Variants in ATP8B1 observed in about 807,000 individuals in gnomAD.
ATP8B1 encodes the protein ATPase phospholipid transporting 8B1.
A neutral mutation model predicts 149.9 loss-of-function variants in ATP8B1; 80 were observed. The observed-to-expected ratio is 0.53, with a 90% CI of 0.45 to 0.64. The LOEUF is 0.64. Ranked by LOEUF, ATP8B1 falls within the 30% of genes least tolerant of loss-of-function variation. The pLI, the probability that ATP8B1 is intolerant of heterozygous loss-of-function variation, is 0.00. For synonymous variants in ATP8B1, 536 were observed against 562.8 expected, an observed-to-expected ratio of 0.95 and a Z score of 0.67; for missense variants, 1,247 against 1,552.6, an observed-to-expected ratio of 0.80 and a Z score of 3.31.
chr18:57,774,624 T>C (rs1282715612), intron 1 of ATP8B1, among the ~76,000 whole-genome samples: 1 of 151,956 alleles, frequency 6.6e-6, no homozygotes, highest in Non-Finnish European at 1.5e-5. Context: ...TATTTATTAA[T>C]AATCTCTTCT....
intron 1 of ATP8B1, among the ~76,000 whole-genome samples, chr18:57,734,327 T>G (rs2123161052): frequency 6.6e-6 from 1 of 152,238 alleles, no homozygotes; most frequent in African/African-American, 2.4e-5. Flanking sequence ...GTAGCTGGGA[T>G]TACAGGCATG....
chr18:57,772,322 G>T (rs551801129), intron 1 of ATP8B1, among the ~76,000 whole-genome samples: 2 of 152,314 alleles, frequency 1.3e-5, no homozygotes, highest in South Asian at 4.1e-4. Flanking sequence ...GGGATGCTGA[G>T]TTGGCCTTGA....
intron 19 of ATP8B1, chr18:57,667,457 A>G: frequency 2.5e-6 from 1 of 395,028 alleles, no homozygotes; most frequent in Non-Finnish European, 4.7e-6. Context: ...TTACTGTTGA[A>G]CTGAATAATT....
At chr18:57,653,301 T>TTTTTTTTTTC (rs1374022168) in intron 24 of ATP8B1, among the ~76,000 whole-genome samples, 1 of 143,714 alleles carries the variant, frequency 7.0e-6, no homozygotes, top group Non-Finnish European at 1.5e-5. Context: ...TTTTTTTTTT[T>TTTTTTTTTTC]GGAGACAGGG....
intron 2 of ATP8B1, among the ~76,000 whole-genome samples, chr18:57,728,705 A>T (rs2079731526): frequency 6.7e-6 from 1 of 148,994 alleles, no homozygotes; most frequent in Non-Finnish European, 1.5e-5. Context: ...AACATGACTA[A>T]GATTCAAGAC....
Position 57,684,191 on chromosome 18 carries a change from T to C in ATP8B1, c.1475A>G (p.Gln492Arg). Residue 492 changes from glutamine to arginine, a missense_variant and splice_region_variant, in exon 15 of 28, where the codon CAA becomes CGA. Around this residue, in one of 3 missense-constraint regions of ATP8B1, gnomAD observed 853 missense variants for 1,035.7 expected, o/e 0.82. Transcript: ENST00000648908. The part of the protein sequence containing the change: ...ASQHNHNKIE[Q>R]VDFSWNTYAD... ...ATATGTATTCCAGCTAAAATCAACT[T>C]GCTGAAAGAAATGGAGAAAAACAAA... 6.2e-7 allele frequency: 1 copy of C among 1,613,660 alleles called. No homozygotes were observed. The highest frequency in any genetic ancestry group is 8.5e-7 in the Non-Finnish European group (1 of 1,179,678).
chr18:57,672,930 AT>A (rs1348169691), intron 16 of ATP8B1, among the ~76,000 whole-genome samples: 4,606 of 30,606 alleles, frequency 0.15, 601 homozygotes, highest in Non-Finnish European at 0.17. Flanking sequence ...ATATATATAT[AT>A]AACATGTATA....
chr18:57,664,501 G>GAAAAA (rs532262308), intron 20 of ATP8B1, among the ~76,000 whole-genome samples: 6 of 99,438 alleles, frequency 6.0e-5, no homozygotes, highest in African/African-American at 1.7e-4. Flanking sequence ...GTCTTTCTAA[G>GAAAAA]AAAAAAAAAA....
chr18:57,689,576 A>G (rs187173153), intron 12 of ATP8B1, among the ~76,000 whole-genome samples: 2 of 152,316 alleles, frequency 1.3e-5, no homozygotes, highest in East Asian at 1.9e-4. Flanking sequence ...CTAAGTGCCT[A>G]CTATGTACCA....
chr18:57,668,130 G>A, intron 19 of ATP8B1: 1 of 1,356,382 alleles, frequency 7.4e-7, no homozygotes, highest in Non-Finnish European at 9.7e-7. Flanking sequence ...GGGACAAGAG[G>A]GATGGCCCTT....
rs144609772 is a variant in ATP8B1 at position 57,767,510 on chromosome 18, A to G, written c.-26+35488T>C. ...CTAGAAACAGGAACGCTTTTGGGCCAGGCTCGGTGGCTCATGCCTGTAATG... is the reference window on the plus strand; with the variant it reads ...CTAGAAACAGGAACGCTTTTGGGCCGGGCTCGGTGGCTCATGCCTGTAATG... On this transcript the variant is annotated intron_variant, in intron 1 of 27. Coordinates refer to ENST00000648908, the MANE Select transcript of ATP8B1 (RefSeq NM_001374385.1). Among the ~76,000 whole-genome samples the G allele has an allele frequency of 6.1e-3, 931 of 152,280 alleles. 8 individuals carry two copies. Among genetic ancestry groups the G allele is most frequent in the African/African-American group, 0.021 (878 of 41,562 alleles).
intron 1 of ATP8B1, among the ~76,000 whole-genome samples, chr18:57,740,176 C>A (rs748803999): frequency 6.6e-6 from 1 of 151,912 alleles, no homozygotes; most frequent in Non-Finnish European, 1.5e-5. Context: ...CTGCAACCTT[C>A]GTCTCCTGGG....
chr18:57,789,383 C>A (rs1178495857), intron 1 of ATP8B1, among the ~76,000 whole-genome samples: 3 of 152,150 alleles, frequency 2.0e-5, no homozygotes, highest in Admixed American at 6.5e-5. Flanking sequence ...AGTTCTGAGA[C>A]TTCAGGCAAG....
At chr18:57,657,891 T>TA (rs1359540388) in intron 22 of ATP8B1, among the ~76,000 whole-genome samples, 1 of 152,230 alleles carries the variant, frequency 6.6e-6, no homozygotes, top group African/African-American at 2.4e-5. Context: ...ACTGAACAGA[T>TA]ACACTATAAG....
intron 1 of ATP8B1, among the ~76,000 whole-genome samples, chr18:57,761,300 A>G (rs1370084362): frequency 4.6e-5 from 7 of 152,102 alleles, no homozygotes; most frequent in Non-Finnish European, 8.8e-5. Flanking sequence ...TTTAGATTCA[A>G]ATGCAGTGGC....
intron 1 of ATP8B1, among the ~76,000 whole-genome samples, chr18:57,758,316 TTC>T (rs1363599525): frequency 7.7e-6 from 1 of 129,932 alleles, no homozygotes; most frequent in Non-Finnish European, 1.7e-5. Context: ...CTTTACTGTT[TTC>T]TGTTTATCCG....
chr18:57,651,530 A>G (rs944208071), intron 26 of ATP8B1, among the ~76,000 whole-genome samples: 1 of 152,168 alleles, frequency 6.6e-6, no homozygotes, highest in African/African-American at 2.4e-5. Context: ...TCCTCCCATC[A>G]TGTTATGCCC....
intron 1 of ATP8B1, among the ~76,000 whole-genome samples, chr18:57,779,055 G>A (rs1426505458): frequency 1.3e-5 from 2 of 152,162 alleles, no homozygotes; most frequent in Non-Finnish European, 2.9e-5. Context: ...GGGTGTAATG[G>A]CTCACACTTG....
chr18:57,675,779 C>A (rs1911548247), intron 15 of ATP8B1, among the ~76,000 whole-genome samples: 1 of 152,198 alleles, frequency 6.6e-6, no homozygotes, highest in Admixed American at 6.5e-5. Flanking sequence ...GATCATGGCT[C>A]ACTGAAGCCT....
Sources: allele counts gnomAD v4.1 joint callset (sites outside exome capture counted in the v4.1 genomes callset), GRCh38; gene constraint gnomAD v4.1.1; regional missense constraint gnomAD v4.1.1; transcripts MANE v1.5; gene names NCBI Gene and HGNC (gene_info 2026-07-23, HGNC 2026-07-21).